Variants in NTM observed in about 807,000 individuals in gnomAD.
NTM encodes the protein IgLON family member 2.
Under a neutral mutation model 42.1 loss-of-function variants are expected in NTM, and 13 were observed. That is an observed-to-expected ratio of 0.31 (90% CI 0.20 to 0.49). The LOEUF is 0.49. NTM is among the 20% of genes least tolerant of loss of function. The pLI is 0.99. For synonymous variants in NTM, 187 were observed against 179.2 expected (o/e 1.04, Z -0.35); for missense variants, 373 against 452.8 (o/e 0.82, Z 1.60).
chr11:131,744,050 A>T (rs1201292794), intron 1 of NTM, among the ~76,000 whole-genome samples: 1 of 152,164 alleles, frequency 6.6e-6, no homozygotes, highest in African/African-American at 2.4e-5. Context: ...CATACTTGAG[A>T]AGCAGGTCCT....
intron 2 of NTM, among the ~76,000 whole-genome samples, chr11:131,968,446 TA>T (rs2063112382): frequency 6.6e-6 from 1 of 152,146 alleles, no homozygotes; most frequent in South Asian, 2.1e-4. Context: ...TTAAACATAT[TA>T]AGGTTAAAGA....
intron 1 of NTM, among the ~76,000 whole-genome samples, chr11:131,388,102 G>A (rs1428835087): frequency 1.3e-5 from 2 of 152,110 alleles, no homozygotes; most frequent in African/African-American, 4.8e-5. Context: ...TTCTGGAAGG[G>A]CCACTCCCAG....
chr11:132,147,212 T>TGAGA (rs1205491013), intron 3 of NTM, among the ~76,000 whole-genome samples: 296 of 124,694 alleles, frequency 2.4e-3, no homozygotes, highest in African/African-American at 8.3e-3. Context: ...TGTGTGTGTG[T>TGAGA]GTGAGAGAGA....
intron 2 of NTM, among the ~76,000 whole-genome samples, chr11:131,975,547 A>AT (rs946558891): frequency 6.6e-6 from 1 of 150,952 alleles, no homozygotes; most frequent in African/African-American, 2.4e-5. Flanking sequence ...GGAGGGGGGA[A>AT]AAAAAACCTC....
chr11:131,599,224 A>C (rs774216822), intron 1 of NTM, among the ~76,000 whole-genome samples: 1 of 151,966 alleles, frequency 6.6e-6, no homozygotes, highest in Non-Finnish European at 1.5e-5. Context: ...CTGTTTTCTC[A>C]TTTTGATGCA....
In NTM at chr11:131,658,182, C is replaced by T. The variant is rs753014699; in HGVS notation, c.83-253382C>T. On this transcript the variant is annotated intron_variant, in intron 1 of 8. Coordinates refer to ENST00000683400, the MANE Select transcript of NTM (RefSeq NM_001352005.2). The stretch of plus-strand genomic sequence containing the variant: ...CTTAGTTCCATTTCTTCCATTCTGT[C>T]CACCGTACACAGAAAATGCAGTCAT... Among the ~76,000 whole-genome samples the T allele has an allele frequency of 2.6e-5, 4 of 152,148 alleles. 1 individual carries two copies. The South Asian group carries it at 6.2e-4, about 24-fold the overall frequency.
intron 1 of NTM, among the ~76,000 whole-genome samples, chr11:131,833,946 C>T (rs2043151163): frequency 6.6e-6 from 1 of 152,186 alleles, no homozygotes; most frequent in African/African-American, 2.4e-5. Context: ...ACTTGCTCTT[C>T]TCCCCACCCT....
At chr11:132,253,091 A>G (rs1376907104) in intron 4 of NTM, among the ~76,000 whole-genome samples, 3 of 152,240 alleles carry the variant, frequency 2.0e-5, no homozygotes, top group African/African-American at 7.2e-5. Flanking sequence ...TCTCTGTCCA[A>G]CAACAATGTT....
intron 4 of NTM, among the ~76,000 whole-genome samples, chr11:132,258,318 G>A (rs930764513): frequency 2.6e-5 from 4 of 152,106 alleles, no homozygotes; most frequent in South Asian, 4.1e-4. Flanking sequence ...CTGTGTTATT[G>A]TGCATTTGCC....
chr11:131,389,024 A>AAAAAAAAAGAAAAGAAAAG (rs774146196), intron 1 of NTM, among the ~76,000 whole-genome samples: 4 of 89,904 alleles, frequency 4.4e-5, no homozygotes, highest in Admixed American at 1.3e-4. Context: ...AAAAAAAAAA[A>AAAAAAAAAGAAAAGAAAAG]AAAAGAAAAG....
intron 2 of NTM, among the ~76,000 whole-genome samples, chr11:132,140,496 G>A (rs1250476768): frequency 2.0e-5 from 3 of 152,154 alleles, no homozygotes; most frequent in Admixed American, 6.6e-5. Flanking sequence ...TGCAATGTGA[G>A]TCTAAGTCTA....
At chr11:131,692,647 T>C (rs2074934921) in intron 1 of NTM, among the ~76,000 whole-genome samples, 1 of 152,232 alleles carries the variant, frequency 6.6e-6, no homozygotes, top group African/African-American at 2.4e-5. Flanking sequence ...AAAACTGTTC[T>C]TACCTAAGCT....
At chr11:132,127,166 G>A (rs1343449464) in intron 2 of NTM, among the ~76,000 whole-genome samples, 15 of 152,168 alleles carry the variant, frequency 9.9e-5, no homozygotes, top group Non-Finnish European at 7.3e-5. Context: ...GGATCGAAAG[G>A]TGGTGAATGA....
At chr11:131,724,040 A>G (rs2078675536) in intron 1 of NTM, among the ~76,000 whole-genome samples, 1 of 152,200 alleles carries the variant, frequency 6.6e-6, no homozygotes, top group Non-Finnish European at 1.5e-5. Flanking sequence ...ATCTTTTTAA[A>G]AAGAGGTTAT....
In NTM at chr11:132,229,489, A is replaced by G. The variant is rs115922837; in HGVS notation, c.526+17342A>G. Among the ~76,000 whole-genome samples the G allele has an allele frequency of 6.6e-3, 998 of 152,308 alleles. 7 individuals are homozygous for G. The highest frequency in any genetic ancestry group is 0.022 in the African/African-American group (931 of 41,558). On this transcript the variant is annotated intron_variant, in intron 4 of 8. Transcript: ENST00000683400. The stretch of plus-strand genomic sequence containing the variant: ...CCTTCTTTTTGGCTAGAATCCATAT[A>G]GTTTATATTTTTTACTACTTTTAAG...
intron 1 of NTM, among the ~76,000 whole-genome samples, chr11:131,620,132 C>A (rs11222718): frequency 0.016 from 2,453 of 152,184 alleles, 29 homozygotes; most frequent in South Asian, 0.048. Context: ...CTAAAGCACA[C>A]AATAAAAATA....
At chr11:132,032,123 T>C (rs890058268) in intron 2 of NTM, among the ~76,000 whole-genome samples, 4 of 152,284 alleles carry the variant, frequency 2.6e-5, no homozygotes, top group South Asian at 2.1e-4. Flanking sequence ...ACTCCACCAC[T>C]CCATCCCTCC....
chr11:131,454,961 G>T (rs192598430), intron 1 of NTM, among the ~76,000 whole-genome samples: 102 of 152,242 alleles, frequency 6.7e-4, no homozygotes, highest in Middle Eastern at 3.4e-3. Flanking sequence ...CTATAGGGAG[G>T]GGGGAAGACA....
chr11:131,389,024 A>AAAAAAAAAAAAAAAG (rs774146196), intron 1 of NTM, among the ~76,000 whole-genome samples: 1 of 89,906 alleles, frequency 1.1e-5, no homozygotes, highest in Non-Finnish European at 2.1e-5. Flanking sequence ...AAAAAAAAAA[A>AAAAAAAAAAAAAAAG]AAAAGAAAAG....
Sources: gnomAD v4.1 joint callset for allele counts (sites outside exome capture counted in the v4.1 genomes callset) on GRCh38, gnomAD v4.1.1 for gene constraint, MANE v1.5 for transcripts, NCBI Gene and HGNC (gene_info 2026-07-23, HGNC 2026-07-21) for gene names.